Variants in NOS1AP observed in about 807,000 individuals in gnomAD.
The protein encoded by NOS1AP is carboxyl-terminal PDZ ligand of neuronal nitric oxide synthase protein.
Under a neutral mutation model 56.2 loss-of-function variants are expected in NOS1AP, and 21 were observed. The observed-to-expected ratio is 0.37, with a 90% CI of 0.26 to 0.54. The LOEUF is 0.54. NOS1AP is among the 20% of genes least tolerant of loss of function. NOS1AP has a pLI of 0.84. For missense variants in NOS1AP, 522 were observed against 657.8 expected (o/e 0.79, Z 2.26); for synonymous variants, 270 against 274.6 (o/e 0.98, Z 0.17).
intron 2 of NOS1AP, among the ~76,000 whole-genome samples, chr1:162,163,025 G>A (rs1459527088): frequency 1.3e-5 from 2 of 152,096 alleles, no homozygotes; most frequent in African/African-American, 4.8e-5. Flanking sequence ...GGATTTGCCT[G>A]TTTTGGACAT....
chr1:162,116,300 T>C (rs1647947473), intron 1 of NOS1AP, among the ~76,000 whole-genome samples: 1 of 152,176 alleles, frequency 6.6e-6, no homozygotes, highest in African/African-American at 2.4e-5. Flanking sequence ...TCCTAGCCCT[T>C]TCTGTCCAGT....
intron 2 of NOS1AP, among the ~76,000 whole-genome samples, chr1:162,210,162 A>G (rs1323298911): frequency 6.6e-6 from 1 of 152,164 alleles, no homozygotes; most frequent in Non-Finnish European, 1.5e-5. Context: ...AGGGGGAGAG[A>G]GTATCACTTT....
chr1:162,362,755 T>G (rs573310061), intron 8 of NOS1AP, among the ~76,000 whole-genome samples: 14 of 152,338 alleles, frequency 9.2e-5, no homozygotes, highest in African/African-American at 3.4e-4. Flanking sequence ...CTCTGAGGCT[T>G]ATCTGTGGGC....
At chr1:162,289,451 C>T (rs1190198631) in intron 3 of NOS1AP, among the ~76,000 whole-genome samples, 1 of 149,426 alleles carries the variant, frequency 6.7e-6, no homozygotes, top group East Asian at 2.0e-4. Flanking sequence ...GCGCCTGCCA[C>T]CACGCCCAGC....
intron 2 of NOS1AP, among the ~76,000 whole-genome samples, chr1:162,196,290 G>A (rs1651803845): frequency 6.6e-6 from 1 of 152,132 alleles, no homozygotes; most frequent in African/African-American, 2.4e-5. Context: ...GTGACATTGG[G>A]GCTCACCATT....
intron 2 of NOS1AP, among the ~76,000 whole-genome samples, chr1:162,253,287 C>A (rs1281662242): frequency 1.3e-5 from 2 of 152,110 alleles, no homozygotes; most frequent in Non-Finnish European, 2.9e-5. Context: ...GGACTCCCAG[C>A]CACTAGAACT....
chr1:162,233,410 G>T (rs1232926855), intron 2 of NOS1AP, among the ~76,000 whole-genome samples: 1 of 152,128 alleles, frequency 6.6e-6, no homozygotes, highest in Non-Finnish European at 1.5e-5. Flanking sequence ...TGTTTTCCAA[G>T]TGTCCTCCTT....
intron 1 of NOS1AP, among the ~76,000 whole-genome samples, chr1:162,128,231 T>C (rs1648575592): frequency 6.6e-6 from 1 of 152,166 alleles, no homozygotes; most frequent in Admixed American, 6.5e-5. Context: ...ATTTTCTAAA[T>C]GGCAACCTGA....
intron 1 of NOS1AP, among the ~76,000 whole-genome samples, chr1:162,121,796 C>T (rs1467122231): frequency 6.6e-6 from 1 of 152,166 alleles, no homozygotes; most frequent in African/African-American, 2.4e-5. Flanking sequence ...TGGATTGTCT[C>T]AGGAAGTAGA....
At chr1:162,340,006 C>T (rs1003328720) in intron 5 of NOS1AP, among the ~76,000 whole-genome samples, 2 of 152,192 alleles carry the variant, frequency 1.3e-5, no homozygotes, top group African/African-American at 4.8e-5. Flanking sequence ...TTTATGAGTA[C>T]AGTGAGGAGC....
chr1:162,289,965 C>A (rs1262602299), intron 3 of NOS1AP, among the ~76,000 whole-genome samples: 1 of 152,146 alleles, frequency 6.6e-6, no homozygotes, highest in Non-Finnish European at 1.5e-5. Flanking sequence ...GTGGCTTCCC[C>A]ATTGTGCATG....
intron 4 of NOS1AP, among the ~76,000 whole-genome samples, chr1:162,329,832 C>G (rs1260740684): frequency 1.3e-5 from 2 of 152,184 alleles, no homozygotes. Flanking sequence ...CTTTTCTAAG[C>G]TTTAACTAGC....
At chr1:162,129,129 C>T (rs1648630935) in intron 1 of NOS1AP, among the ~76,000 whole-genome samples, 1 of 151,984 alleles carries the variant, frequency 6.6e-6, no homozygotes, top group Non-Finnish European at 1.5e-5. Context: ...CTAAGCTCCG[C>T]CTCCTTGGTA....
At chr1:162,160,699 T>C (rs2102108081) in intron 2 of NOS1AP, among the ~76,000 whole-genome samples, 1 of 152,308 alleles carries the variant, frequency 6.6e-6, no homozygotes, top group Non-Finnish European at 1.5e-5. Flanking sequence ...TTGTCATTGT[T>C]CTCCTTTTCA....
chr1:162,155,247 TAC>T (rs1243958360), intron 2 of NOS1AP, among the ~76,000 whole-genome samples: 12 of 145,218 alleles, frequency 8.3e-5, no homozygotes, highest in East Asian at 8.1e-4. Context: ...CATATACATA[TAC>T]ACATACATAT....
At chr1:162,093,361 G>A (rs1014985509) in intron 1 of NOS1AP, among the ~76,000 whole-genome samples, 1 of 152,206 alleles carries the variant, frequency 6.6e-6, no homozygotes, top group Non-Finnish European at 1.5e-5. Flanking sequence ...GTCATGTGAT[G>A]TAGATATGGT....
At chr1:162,243,679 G>C (rs1289286108) in intron 2 of NOS1AP, among the ~76,000 whole-genome samples, 2 of 152,152 alleles carry the variant, frequency 1.3e-5, no homozygotes, top group Non-Finnish European at 2.9e-5. Context: ...ATTCTGAGAG[G>C]TTCCAGGTAA....
intron 2 of NOS1AP, among the ~76,000 whole-genome samples, chr1:162,214,576 C>T (rs751958246): frequency 3.9e-5 from 6 of 152,030 alleles, no homozygotes; most frequent in Non-Finnish European, 7.4e-5. Flanking sequence ...TTTTCTTAAC[C>T]TTTCCATCAT....
chr1:162,324,646 CA>C (rs1220485749), intron 4 of NOS1AP, among the ~76,000 whole-genome samples: 1 of 152,050 alleles, frequency 6.6e-6, no homozygotes, highest in Non-Finnish European at 1.5e-5. Context: ...GCTAGACTTT[CA>C]GAAGATAAAG....
Sources: allele counts gnomAD v4.1 joint callset (sites outside exome capture counted in the v4.1 genomes callset), GRCh38; gene constraint gnomAD v4.1.1; transcripts MANE v1.5; gene names NCBI Gene and HGNC (gene_info 2026-07-23, HGNC 2026-07-21).